Variants in SP4 observed in about 807,000 individuals in gnomAD.
The protein encoded by SP4 is transcription factor Sp4.
Under a neutral mutation model 72.8 loss-of-function variants are expected in SP4, and 19 were observed. The observed-to-expected ratio is 0.26, with a 90% CI of 0.18 to 0.38. SP4 has a LOEUF of 0.38. SP4 is among the 10% of genes least tolerant of loss of function. The pLI, the probability that SP4 is intolerant of heterozygous loss-of-function variation, is 1.00. For synonymous variants in SP4, 395 were observed against 333.1 expected (o/e 1.19, Z -2.02); for missense variants, 1,008 against 926.3 (o/e 1.09, Z -1.14).
chr7:21,456,843 A>ATG lies in SP4; in HGVS notation c.1679-20234_1679-20233dup, dbSNP rs1279916654. ...AAATAAAATGTCTCAGGTCTGCCTG[A>ATG]TGTAGACCCCAAGGTCTTTCCCATC... On this transcript the variant is annotated intron_variant, in intron 3 of 5. Coordinates refer to ENST00000222584, the MANE Select transcript of SP4 (RefSeq NM_003112.5). Among the ~76,000 whole-genome samples the ATG allele has an allele frequency of 2.6e-5, 4 of 152,228 alleles. No homozygotes were observed. The East Asian group carries it at 5.8e-4, about 22-fold the overall frequency.
At chr7:21,454,546 C>T (rs191405991) in intron 3 of SP4, among the ~76,000 whole-genome samples, 2 of 151,940 alleles carry the variant, frequency 1.3e-5, no homozygotes, top group Admixed American at 6.6e-5. Context: ...CCTTTATAAC[C>T]TTTGAATTAG....
In SP4 at chr7:21,428,236, G is replaced by C. The variant is rs1412042079; in HGVS notation, c.-16G>C. 1 of 1,303,558 alleles carries C rather than the reference G, an allele frequency of 7.7e-7. No homozygotes were observed. The highest frequency in any genetic ancestry group is 2.4e-5 in the Admixed American group (1 of 42,344). 80.7% of individuals were successfully genotyped at this position (1,303,558 alleles called of 1,614,324 possible). A position where few individuals can be genotyped will look rare whatever the true frequency, so the allele number is the denominator to read the frequency against. On this transcript the variant is annotated 5_prime_UTR_variant, in exon 1 of 6. Transcript: ENST00000222584. ...TCCCAGTGTCTCCGTCTGAGGGTTTGTCCTGTTAATGCGGGATGAGCGGTA... is the reference window on the plus strand; with the variant it reads ...TCCCAGTGTCTCCGTCTGAGGGTTTCTCCTGTTAATGCGGGATGAGCGGTA...
chr7:21,434,034 A>C (rs866176324), intron 3 of SP4, among the ~76,000 whole-genome samples: 5 of 152,166 alleles, frequency 3.3e-5, no homozygotes, highest in Admixed American at 1.3e-4. Flanking sequence ...ATAAGTACCC[A>C]TATCGCCCTT....
chr7:21,481,022 A>G (rs1052384239), intron 4 of SP4, among the ~76,000 whole-genome samples: 1 of 152,198 alleles, frequency 6.6e-6, no homozygotes, highest in Non-Finnish European at 1.5e-5. Flanking sequence ...TTGCTGGGGC[A>G]GCAATAGCCT....
At chr7:21,471,800 C>G (rs1784353317) in intron 3 of SP4, among the ~76,000 whole-genome samples, 1 of 152,196 alleles carries the variant, frequency 6.6e-6, no homozygotes, top group Admixed American at 6.5e-5. Flanking sequence ...TGCCGCTGTA[C>G]TCTAGCCTGG....
intron 1 of SP4, 32 bp from the exon 2 acceptor site, chr7:21,428,645 T>C: frequency 6.7e-7 from 1 of 1,493,000 alleles, no homozygotes; most frequent in Non-Finnish European, 9.1e-7. Context: ...TAACCTGTTG[T>C]CGTGTGTGTG....
chr7:21,448,778 A>G (rs1783500809), intron 3 of SP4, among the ~76,000 whole-genome samples: 1 of 152,146 alleles, frequency 6.6e-6, no homozygotes, highest in Non-Finnish European at 1.5e-5. Context: ...TATGTTTAAC[A>G]TTTTACAGTC....
Position 21,429,332 on chromosome 7 carries a change from G to C in SP4, c.167G>C (p.Ser56Thr). 1 of 1,612,898 alleles carries C rather than the reference G, an allele frequency of 6.2e-7. No individual in the cohort carries two copies. The change falls in exon 3 of 6, where the codon AGC becomes ACC. Residue 56 changes from serine to threonine, a missense_variant. Around this residue, in one of 3 missense-constraint regions of SP4, gnomAD observed 893 missense variants for 743.3 expected, o/e 1.20. Coordinates refer to ENST00000222584, the MANE Select transcript of SP4 (RefSeq NM_003112.5). Reference sequence around the variant, plus strand: ...CTGGCTTTACTGGCAGCTACTTGCAGCAAAATAGGGACTCCTGGTGAAAAT... The same window carrying C: ...CTGGCTTTACTGGCAGCTACTTGCACCAAAATAGGGACTCCTGGTGAAAAT... The part of the protein sequence containing the change: ...SPLALLAATC[S>T]KIGTPGENQA...
intron 3 of SP4, among the ~76,000 whole-genome samples, chr7:21,470,182 G>T (rs1784291761): frequency 6.6e-6 from 1 of 152,160 alleles, no homozygotes; most frequent in African/African-American, 2.4e-5. Context: ...TTCTATGTTT[G>T]TATAGATTTT....
chr7:21,469,667 A>T (rs1035079922), intron 3 of SP4, among the ~76,000 whole-genome samples: 2 of 151,222 alleles, frequency 1.3e-5, no homozygotes, highest in African/African-American at 4.9e-5. Context: ...TCAGCCTACC[A>T]AGTAGCTGGG....
chr7:21,481,807 A>G (rs1229584554), intron 4 of SP4, 117 bp from the exon 5 acceptor site: 4 of 733,860 alleles, frequency 5.5e-6, no homozygotes, highest in Non-Finnish European at 9.2e-6. Context: ...TTATGGCATC[A>G]TGATCAAACC....
intron 5 of SP4, among the ~76,000 whole-genome samples, chr7:21,493,140 C>T (rs368534663): frequency 2.0e-5 from 3 of 150,354 alleles, no homozygotes; most frequent in Non-Finnish European, 2.9e-5. Flanking sequence ...GTGGAGGTTG[C>T]GGTGAGCTGA....
intron 5 of SP4, among the ~76,000 whole-genome samples, chr7:21,484,158 T>A (rs1050165537): frequency 4.0e-5 from 6 of 151,896 alleles, no homozygotes; most frequent in Non-Finnish European, 8.8e-5. Context: ...AAAGTAGTAA[T>A]ACAAATGAGT....
At chr7:21,441,132 T>C (rs1334236638) in intron 3 of SP4, among the ~76,000 whole-genome samples, 1 of 152,100 alleles carries the variant, frequency 6.6e-6, no homozygotes, top group Non-Finnish European at 1.5e-5. Context: ...GTGAGGTTAG[T>C]GGGGAGTAAA....
chr7:21,486,380 C>T (rs1224462360), intron 5 of SP4, among the ~76,000 whole-genome samples: 1 of 152,090 alleles, frequency 6.6e-6, no homozygotes, highest in Admixed American at 6.5e-5. Context: ...CTATTAATTA[C>T]ACTTTCCACC....
In SP4 at chr7:21,477,120, A is replaced by G. The variant is rs747379382; in HGVS notation, c.1720A>G (p.Thr574Ala). Reference sequence around the variant, plus strand: ...AGATGGAGTAAAAGTCCAGCAAGCTACTATAGCTCCTGTAACTGTAGCAGT... The same window carrying G: ...AGATGGAGTAAAAGTCCAGCAAGCTGCTATAGCTCCTGTAACTGTAGCAGT... ...GQDGVKVQQA[T>A]IAPVTVAVGG... Residue 574 changes from threonine to alanine, a missense_variant, in exon 4 of 6, where the codon ACT (threonine) becomes GCT (alanine). Thr to Ala is a moderately conservative substitution (Grantham distance 58, BLOSUM62 0). Coordinates refer to ENST00000222584, the MANE Select transcript of SP4 (RefSeq NM_003112.5). The G allele has an allele frequency of 2.7e-5, 44 of 1,614,074 alleles. No homozygotes were observed. The highest frequency in any genetic ancestry group is 3.6e-5 in the Non-Finnish European group (42 of 1,179,962).
At chr7:21,507,982 C>T (rs1053691194) in intron 5 of SP4, among the ~76,000 whole-genome samples, 52 of 152,234 alleles carry the variant, frequency 3.4e-4, no homozygotes, top group Non-Finnish European at 6.3e-4. Flanking sequence ...GCCCAACCAC[C>T]AAGACAGTAC....
At chr7:21,465,613 C>T (rs541649865) in intron 3 of SP4, among the ~76,000 whole-genome samples, 4 of 152,286 alleles carry the variant, frequency 2.6e-5, no homozygotes, top group African/African-American at 9.6e-5. Context: ...GAAGGATGGG[C>T]ATAATACCTT....
chr7:21,437,726 A>C (rs1421191143), intron 3 of SP4, among the ~76,000 whole-genome samples: 1 of 152,204 alleles, frequency 6.6e-6, no homozygotes, highest in Admixed American at 6.5e-5. Flanking sequence ...GCTTGGCAGG[A>C]GGACCTGTGA....
Sources: gnomAD v4.1 joint callset for allele counts (sites outside exome capture counted in the v4.1 genomes callset) on GRCh38, gnomAD v4.1.1 for gene constraint, gnomAD v4.1.1 regional missense constraint, MANE v1.5 for transcripts, NCBI Gene and HGNC (gene_info 2026-07-23, HGNC 2026-07-21) for gene names.